The following TCP1 variants were observed in gnomAD, a reference collection of about 807,000 sequenced individuals.
TCP1 encodes T-complex protein 1 subunit alpha.
A neutral mutation model predicts 54.7 loss-of-function variants in TCP1; 6 were observed. The observed-to-expected ratio is 0.11, with a 90% CI of 0.06 to 0.22. The LOEUF (loss-of-function observed/expected upper bound fraction) is 0.22. TCP1 is among the 10% of genes least tolerant of loss of function. The pLI is 1.00. For missense variants in TCP1, 511 were observed against 678.2 expected, an observed-to-expected ratio of 0.75 and a Z score of 2.74; for synonymous variants, 225 against 229.7, an observed-to-expected ratio of 0.98 and a Z score of 0.19.
chr6:159,783,084 A>G (rs1486988208), intron 7 of TCP1, among the ~76,000 whole-genome samples: 1 of 152,236 alleles, frequency 6.6e-6, no homozygotes, highest in Non-Finnish European at 1.5e-5. Flanking sequence ...TACCTATAGC[A>G]CAAGGATGTA....
chr6:159,778,527 C>T lies in TCP1; in HGVS notation c.*518G>A, dbSNP rs534719900. On this transcript the variant is annotated 3_prime_UTR_variant, in exon 12 of 12. Transcript: ENST00000321394. The stretch of plus-strand genomic sequence containing the variant: ...TTTTCACAAAGGTGTAAATTTATTC[C>T]TAAGCAGTTAAAATGAAAATTTGAG... 1.9e-6 allele frequency: 2 copies of T among 1,026,430 alleles called. No individual in the cohort carries two copies. Among genetic ancestry groups the T allele is most frequent in the Non-Finnish European group, 2.8e-6 (2 of 718,594 alleles). The allele number at this position is 1,026,430 out of a possible 1,614,324, so 63.6% of individuals were successfully genotyped here.
At chr6:159,784,212 G>T in intron 6 of TCP1, 145 bp from the exon 7 acceptor site, 1 of 1,012,114 alleles carries the variant, frequency 9.9e-7, no homozygotes, top group East Asian at 2.8e-5. Context: ...TTAAATGCAC[G>T]TAATTTCTTT....
intron 10 of TCP1, 30 bp downstream of exon 10, chr6:159,779,865 G>A (rs568960933): frequency 2.4e-5 from 38 of 1,608,640 alleles, no homozygotes; most frequent in South Asian, 3.3e-5. Context: ...CTGCTCTCAG[G>A]CCTCTAAGAC....
In TCP1 at chr6:159,779,131, C is replaced by G; in HGVS notation, c.1585G>C (p.Asp529His). The G allele has an allele frequency of 1.9e-6, 3 of 1,613,960 alleles. No individual in the cohort carries two copies. The highest frequency in any genetic ancestry group is 2.5e-6 in the Non-Finnish European group (3 of 1,179,882). ...EAAITILRID[D>H]LIKLHPESKD... is the part of the protein sequence containing the mutation. Reference sequence around the variant, plus strand: ...CTTTCTGGATGTAATTTAATAAGATCATCAATTCGAAGAATGGTGATTGCA... The same window carrying G: ...CTTTCTGGATGTAATTTAATAAGATGATCAATTCGAAGAATGGTGATTGCA... Residue 529 changes from aspartate to histidine, a missense_variant, in exon 12 of 12, where the codon GAT (aspartate) becomes CAT (histidine). This residue lies in a region of TCP1 where 88 missense variants were observed against 153.1 expected (regional missense o/e 0.57). Coordinates refer to ENST00000321394, the MANE Select transcript of TCP1 (RefSeq NM_030752.3).
intron 11 of TCP1, among the ~76,000 whole-genome samples, 179 bp from the exon 12 acceptor site, chr6:159,779,440 C>T (rs1385169146): frequency 6.6e-6 from 1 of 152,154 alleles, no homozygotes; most frequent in Admixed American, 6.5e-5. Context: ...GAAGACACAC[C>T]AGTGCTAATA....
Position 159,779,124 on chromosome 6 carries a change from A to G in TCP1, c.1592T>C (p.Ile531Thr). 1.2e-6 allele frequency: 2 copies of G among 1,614,046 alleles called. No homozygotes were observed. Among genetic ancestry groups the G allele is most frequent in the Non-Finnish European group, 1.7e-6 (2 of 1,179,928 alleles). The change falls in exon 12 of 12, where the codon ATT becomes ACT. Residue 531 changes from isoleucine (I) to threonine (T), a missense_variant. By Grantham distance (89) the Ile-to-Thr change is moderately conservative. Around this residue, in one of 5 missense-constraint regions of TCP1, gnomAD observed 88 missense variants for 153.1 expected, o/e 0.57. Coordinates refer to ENST00000321394, the MANE Select transcript of TCP1 (RefSeq NM_030752.3). ...ATCTTTACTTTCTGGATGTAATTTA[A>G]TAAGATCATCAATTCGAAGAATGGT... Reference protein sequence around the residue: ...AITILRIDDLIKLHPESKDDK... With the variant: ...AITILRIDDLTKLHPESKDDK...
rs1303812277 is a variant in TCP1 at position 159,784,298 on chromosome 6, AC to A, written c.671-232del. ...TGTACTGCACATAATCCACAAAAAA[AC>A]ATTTTTTATTTTTTTTTTTTTTTGA... On this transcript the variant is annotated intron_variant, in intron 6 of 11. Coordinates refer to ENST00000321394, the MANE Select transcript of TCP1 (RefSeq NM_030752.3). Among the ~76,000 whole-genome samples, 18 of 150,660 alleles carry A rather than the reference AC, an allele frequency of 1.2e-4. No individual in the cohort carries two copies. In the South Asian group the frequency reaches 2.1e-3, roughly 18 times the overall value.
At position 159,778,521 on chromosome 6, in the gene TCP1, T is replaced by G. The variant is rs562651647; in HGVS notation, c.*524A>C. On this transcript the variant is annotated 3_prime_UTR_variant, in exon 12 of 12. Coordinates refer to ENST00000321394, the MANE Select transcript of TCP1 (RefSeq NM_030752.3). ...GATGAATTTTCACAAAGGTGTAAAT[T>G]TATTCCTAAGCAGTTAAAATGAAAA... 5 of 994,652 alleles carry G rather than the reference T, an allele frequency of 5.0e-6. No individual in the cohort carries two copies. The African/African-American group carries it at 8.2e-5, about 16-fold the overall frequency. 61.6% of individuals were successfully genotyped at this position (994,652 alleles called of 1,614,324 possible).
rs1780491413 is a variant in TCP1 at position 159,778,663 on chromosome 6, A to G, written c.*382T>C. ...AAATCTTTTCTCCCCCGTTAGGTCA[A>G]TATTGAAGGAGGGGCTATAGCCTTG... On this transcript the variant is annotated 3_prime_UTR_variant, in exon 12 of 12. Coordinates refer to ENST00000321394, the MANE Select transcript of TCP1 (RefSeq NM_030752.3). The G allele has an allele frequency of 1.9e-6, 3 of 1,613,990 alleles. No individual in the cohort carries two copies. The African/African-American group carries it at 4.0e-5, about 22-fold the overall frequency.
chr6:159,780,711 G>C, intron 8 of TCP1, 145 bp from the exon 9 acceptor site: 1 of 1,257,778 alleles, frequency 8.0e-7, no homozygotes, highest in Non-Finnish European at 1.1e-6. Context: ...TTTATCCTAA[G>C]ATGGAACTGT....
In TCP1 at chr6:159,779,269, T is replaced by C; in HGVS notation, c.1455-8A>G. 1 of 1,608,718 alleles carries C rather than the reference T, an allele frequency of 6.2e-7. No individual in the cohort carries two copies. Among genetic ancestry groups the C allele is most frequent in the Non-Finnish European group, 8.5e-7 (1 of 1,176,606 alleles). On this transcript the variant is annotated splice_polypyrimidine_tract_variant and splice_region_variant and intron_variant, in intron 11 of 11. Coordinates refer to ENST00000321394, the MANE Select transcript of TCP1 (RefSeq NM_030752.3). ...CTCAAATCAAGACCAATCCTGCAAT[T>C]AAGAAAGAATTATTTAACGGCCGCT...
intron 3 of TCP1, among the ~76,000 whole-genome samples, chr6:159,786,868 G>C (rs1355146232): frequency 7.2e-5 from 11 of 152,090 alleles, no homozygotes; most frequent in Non-Finnish European, 1.6e-4. Context: ...TACTGACTCG[G>C]TAAGATCACA....
chr6:159,780,885 G>C (rs776420429), intron 8 of TCP1, 50 bp downstream of exon 8: 1 of 1,520,686 alleles, frequency 6.6e-7, no homozygotes, highest in South Asian at 1.3e-5. Context: ...ACCTTTGATA[G>C]GATCAGGGAT....
At chr6:159,780,861 T>C (rs1007686076) in intron 8 of TCP1, 74 bp downstream of exon 8, 16 of 1,478,240 alleles carry the variant, frequency 1.1e-5, no homozygotes, top group Non-Finnish European at 1.4e-5. Flanking sequence ...CTGTCAATAT[T>C]CCAATGTAAA....
chr6:159,779,899 C>A lies in TCP1; in HGVS notation c.1286G>T (p.Ser429Ile). The stretch of plus-strand genomic sequence containing the variant: ...ACAAGAAATGACTGTTCTTACCATG[C>A]TGGTTGCATAGTTTTCAAGGTATAT... ...LSIYLENYAT[S>I]MGSREQLAIA... The change falls in exon 10 of 12, where the codon AGC becomes ATC. Residue 429 changes from serine to isoleucine, a missense_variant. Ser to Ile is a moderately radical substitution (Grantham distance 142, BLOSUM62 -2). Transcript: ENST00000321394. The A allele has an allele frequency of 6.2e-7, 1 of 1,613,896 alleles. No homozygotes were observed. The highest frequency in any genetic ancestry group is 1.1e-5 in the South Asian group (1 of 91,052).
rs760379142 is a variant in TCP1 at position 159,785,537 on chromosome 6, C to G, written c.378-41G>C. 4.2e-6 allele frequency: 6 copies of G among 1,440,750 alleles called. 1 individual carries two copies. The South Asian group carries it at 5.7e-5, about 14-fold the overall frequency. The allele number at this position is 1,440,750 out of a possible 1,614,324, so 89.2% of individuals were successfully genotyped here. A position where few individuals can be genotyped will look rare whatever the true frequency, so the allele number is the denominator to read the frequency against. On this transcript the variant is annotated intron_variant, in intron 4 of 11. Coordinates refer to ENST00000321394, the MANE Select transcript of TCP1 (RefSeq NM_030752.3). ...GGGGAGAAAAACGCTTATAAAGTCA[C>G]TACTCAAACTCTTTGCATTCATCAT...
chr6:159,785,170 CTACGCACGCGTGCGCGCAACACA>C (rs1393777048), intron 5 of TCP1, 193 bp downstream of exon 5: 13 of 606,312 alleles, frequency 2.1e-5, no homozygotes, highest in African/African-American at 7.4e-5. Flanking sequence ...ACTGCTGCTA[CTACGCACGCGTGCGCGCAACACA>C]TGCGCACACA....
At chr6:159,785,714 TGTG>T (rs749787864) in intron 4 of TCP1, 183 bp downstream of exon 4, 1 of 784,962 alleles carries the variant, frequency 1.3e-6, no homozygotes, top group South Asian at 1.4e-5. Context: ...TAGGAGAAAA[TGTG>T]GTAGTCAAAT....
intron 3 of TCP1, 162 bp from the exon 4 acceptor site, chr6:159,786,159 C>G (rs1422399415): frequency 8.7e-6 from 5 of 577,854 alleles, no homozygotes; most frequent in South Asian, 4.6e-5. Flanking sequence ...AAGAACGCTA[C>G]AAAACACTCC....
Sources: allele counts gnomAD v4.1 joint callset (sites outside exome capture counted in the v4.1 genomes callset), GRCh38; gene constraint gnomAD v4.1.1; regional missense constraint gnomAD v4.1.1; transcripts MANE v1.5; gene names NCBI Gene and HGNC (gene_info 2026-07-23, HGNC 2026-07-21).